DOCK3: variants seen among roughly 807,000 people sequenced by gnomAD.
DOCK3 encodes dedicator of cytokinesis protein 3.
A neutral mutation model predicts 265.6 loss-of-function variants in DOCK3; 60 were observed. The observed-to-expected ratio is 0.23, with a 90% CI of 0.18 to 0.28. The LOEUF (loss-of-function observed/expected upper bound fraction) is 0.28. Ranked by LOEUF, DOCK3 falls within the 10% of genes least tolerant of loss-of-function variation. The pLI, the probability that DOCK3 is intolerant of heterozygous loss-of-function variation, is 1.00. For missense variants in DOCK3, 1,981 were observed against 2,594.3 expected (o/e 0.76, Z 5.14); for synonymous variants, 881 against 938.0 (o/e 0.94, Z 1.11).
chr3:51,309,256 A>G (rs1370439382), intron 27 of DOCK3, among the ~76,000 whole-genome samples: 3 of 152,288 alleles, frequency 2.0e-5, no homozygotes, highest in South Asian at 4.1e-4. Context: ...AGGTTGTAGC[A>G]AGCCGAGATC....
At chr3:50,970,948 A>ATG (rs71637577) in intron 5 of DOCK3, among the ~76,000 whole-genome samples, 10,192 of 51,688 alleles carry the variant, frequency 0.2, 1,565 homozygotes, top group Admixed American at 0.3. Flanking sequence ...TATATATATA[A>ATG]TGTGTGTGTG....
chr3:51,080,719 A>C (rs1364842369), intron 7 of DOCK3, among the ~76,000 whole-genome samples: 1 of 152,198 alleles, frequency 6.6e-6, no homozygotes, highest in Admixed American at 6.5e-5. Context: ...TCTAATTGAA[A>C]ATTTATGACT....
chr3:51,022,700 T>G (rs1306367533), intron 5 of DOCK3, among the ~76,000 whole-genome samples: 1 of 152,212 alleles, frequency 6.6e-6, no homozygotes, highest in Non-Finnish European at 1.5e-5. Context: ...TCTTTTGCTG[T>G]ACACAAGCTC....
intron 4 of DOCK3, among the ~76,000 whole-genome samples, chr3:50,892,591 G>T (rs1466257293): frequency 6.6e-6 from 1 of 152,098 alleles, no homozygotes; most frequent in Non-Finnish European, 1.5e-5. Context: ...GCATTTGTGG[G>T]TGCTGCTTGA....
intron 14 of DOCK3, among the ~76,000 whole-genome samples, chr3:51,223,613 ATTAC>A (rs1403014166): frequency 6.6e-6 from 1 of 152,188 alleles, no homozygotes; most frequent in Non-Finnish European, 1.5e-5. Context: ...AAATTTAAGT[ATTAC>A]TTAAATTCCA....
At chr3:51,354,649 C>A (rs1299280035) in intron 40 of DOCK3, among the ~76,000 whole-genome samples, 1 of 152,198 alleles carries the variant, frequency 6.6e-6, no homozygotes, top group Non-Finnish European at 1.5e-5. Flanking sequence ...TTTTCTTCTT[C>A]TTCCAAGCTT....
At position 51,227,465 on chromosome 3, in the gene DOCK3, C is replaced by A. The variant is rs980154877; in HGVS notation, c.1540+20C>A. Reference sequence around the variant, plus strand: ...GTTCCAGTGAGTTAGACTTCCCCCCCTCCACATTCCCTTGAGAATATAAAT... The same window carrying A: ...GTTCCAGTGAGTTAGACTTCCCCCCATCCACATTCCCTTGAGAATATAAAT... On this transcript the variant is annotated intron_variant, in intron 16 of 52. Coordinates refer to ENST00000266037, the MANE Select transcript of DOCK3 (RefSeq NM_004947.5). 1.2e-6 allele frequency: 2 copies of A among 1,613,390 alleles called. No individual in the cohort carries two copies. Among genetic ancestry groups the A allele is most frequent in the Admixed American group, 1.7e-5 (1 of 59,956 alleles).
intron 23 of DOCK3, among the ~76,000 whole-genome samples, chr3:51,268,548 A>G (rs1560319319): frequency 6.6e-6 from 1 of 152,224 alleles, no homozygotes; most frequent in East Asian, 1.9e-4. Context: ...TCTCATGTCC[A>G]GTCATTCAGT....
intron 25 of DOCK3, 138 bp downstream of exon 25, chr3:51,275,344 A>G (rs1306415296): frequency 3.0e-6 from 4 of 1,311,704 alleles, no homozygotes; most frequent in Non-Finnish European, 4.2e-6. Flanking sequence ...AAGGTGCCCA[A>G]GTGAATGGAG....
chr3:50,929,037 A>G (rs1195234660), intron 4 of DOCK3, among the ~76,000 whole-genome samples: 3 of 152,258 alleles, frequency 2.0e-5, no homozygotes, highest in Admixed American at 6.5e-5. Flanking sequence ...GATGTTTGGC[A>G]GGTTAAATGC....
rs536914298 is a variant in DOCK3, at chr3:50,910,684, G to A, written c.218+20603G>A. Among the ~76,000 whole-genome samples, 14 of 152,238 alleles carry A rather than the reference G, an allele frequency of 9.2e-5. 1 individual carries two copies. The highest frequency in any genetic ancestry group is 2.6e-4 in the African/African-American group (11 of 41,514). On this transcript the variant is annotated intron_variant, in intron 4 of 52. Coordinates refer to ENST00000266037, the MANE Select transcript of DOCK3 (RefSeq NM_004947.5). ...TTGTGTTATGTTCTGCTGTGATAAGGAATCACTGAGTTCCAATGCAAAGCC... is the reference window on the plus strand; with the variant it reads ...TTGTGTTATGTTCTGCTGTGATAAGAAATCACTGAGTTCCAATGCAAAGCC...
chr3:50,717,573 AT>A (rs1236562825), intron 1 of DOCK3, among the ~76,000 whole-genome samples: 3 of 151,718 alleles, frequency 2.0e-5, no homozygotes, highest in Non-Finnish European at 4.4e-5. Context: ...AATAGTGTTT[AT>A]TTTTTCCCTT....
chr3:50,883,673 CTGTCTTCTATATTTTCAT>C (rs1242570945), intron 3 of DOCK3, among the ~76,000 whole-genome samples: 7 of 152,048 alleles, frequency 4.6e-5, no homozygotes, highest in Non-Finnish European at 8.8e-5. Context: ...CCACTTCCTT[CTGTCTTCTATATTTTCAT>C]TGAAAATTAT....
At chr3:51,376,940 T>C (rs2088188168) in intron 51 of DOCK3, among the ~76,000 whole-genome samples, 1 of 152,234 alleles carries the variant, frequency 6.6e-6, no homozygotes, top group Non-Finnish European at 1.5e-5. Flanking sequence ...ACATGCAGCT[T>C]CTTGGACTTC....
At chr3:50,849,086 G>A (rs1415951195) in intron 3 of DOCK3, among the ~76,000 whole-genome samples, 1 of 151,976 alleles carries the variant, frequency 6.6e-6, no homozygotes, top group African/African-American at 2.4e-5. Flanking sequence ...CCAGGCTAGA[G>A]TACAGTGGTG....
chr3:51,229,248 C>G (rs1476436026), intron 18 of DOCK3, among the ~76,000 whole-genome samples: 1 of 152,116 alleles, frequency 6.6e-6, no homozygotes, highest in African/African-American at 2.4e-5. Context: ...GTCAGGAGTT[C>G]AAGACCAGCC....
intron 3 of DOCK3, among the ~76,000 whole-genome samples, chr3:50,886,005 GTTTC>G (rs1243403823): frequency 6.6e-6 from 1 of 151,852 alleles, no homozygotes; most frequent in Non-Finnish European, 1.5e-5. Flanking sequence ...TTTTGTTGGA[GTTTC>G]TTTCTGTCTG....
At chr3:50,848,844 AG>A (rs756685772) in intron 3 of DOCK3, among the ~76,000 whole-genome samples, 1 of 152,300 alleles carries the variant, frequency 6.6e-6, no homozygotes, top group Middle Eastern at 3.4e-3. Context: ...CTTGCTAGTA[AG>A]ATTAGGGAAA....
intron 21 of DOCK3, 89 bp from the exon 22 acceptor site, chr3:51,246,637 T>A (rs1019308531): frequency 8.4e-7 from 1 of 1,192,126 alleles, no homozygotes; most frequent in Non-Finnish European, 1.2e-6. Context: ...GAATATTATT[T>A]CCTATTTGCC....
Sources: gnomAD v4.1 joint callset for allele counts (sites outside exome capture counted in the v4.1 genomes callset) on GRCh38, gnomAD v4.1.1 for gene constraint, MANE v1.5 for transcripts, NCBI Gene and HGNC (gene_info 2026-07-23, HGNC 2026-07-21) for gene names.